CSMD1: variants seen among roughly 807,000 people sequenced by gnomAD.
The protein encoded by CSMD1 is CUB and sushi domain-containing protein 1.
CSMD1 carries 213 observed loss-of-function variants against 417.5 expected under a neutral mutation model. The ratio of observed to expected loss-of-function variants is 0.51; its 90% CI spans 0.46 to 0.57. CSMD1 has a LOEUF of 0.57. CSMD1 is among the 20% of genes least tolerant of loss of function. The pLI is 0.00. For synonymous variants in CSMD1, 2,862 were observed against 1,736.8 expected (o/e 1.65, Z -16.11); for missense variants, 6,923 against 4,529.7 (o/e 1.53, Z -15.17).
intron 37 of CSMD1, among the ~76,000 whole-genome samples, chr8:3,163,823 T>G (rs1051496103): frequency 6.6e-6 from 1 of 152,004 alleles, no homozygotes; most frequent in Non-Finnish European, 1.5e-5. Flanking sequence ...TTATACTAAC[T>G]CCAGTCCCCA....
chr8:3,625,473 C>T (rs1796446688), intron 7 of CSMD1, among the ~76,000 whole-genome samples: 1 of 152,090 alleles, frequency 6.6e-6, no homozygotes, highest in African/African-American at 2.4e-5. Flanking sequence ...ACTTTTAAAA[C>T]ACAAGGGGTT....
chr8:4,850,954 T>C (rs2116830348), intron 1 of CSMD1, among the ~76,000 whole-genome samples: 1 of 151,800 alleles, frequency 6.6e-6, no homozygotes, highest in Non-Finnish European at 1.5e-5. Flanking sequence ...AATTTCCTTT[T>C]TTTAATATAT....
At chr8:3,692,315 G>T (rs549956774) in intron 7 of CSMD1, among the ~76,000 whole-genome samples, 2 of 152,138 alleles carry the variant, frequency 1.3e-5, no homozygotes, top group African/African-American at 4.8e-5. Context: ...TTCAAGTTAT[G>T]ACCACATACC....
At chr8:4,954,155 C>T (rs922104975) in intron 1 of CSMD1, among the ~76,000 whole-genome samples, 1 of 152,022 alleles carries the variant, frequency 6.6e-6, no homozygotes, top group East Asian at 1.9e-4. Context: ...AAATAAGAAC[C>T]AACTATTTGC....
intron 10 of CSMD1, among the ~76,000 whole-genome samples, chr8:3,561,581 T>A (rs7838188): frequency 2.0e-5 from 3 of 151,904 alleles, no homozygotes; most frequent in East Asian, 1.9e-4. Flanking sequence ...TGGGTACACA[T>A]GGAGATAAGG....
intron 2 of CSMD1, among the ~76,000 whole-genome samples, chr8:4,446,412 G>A (rs1214206032): frequency 6.6e-6 from 1 of 152,120 alleles, no homozygotes; most frequent in Non-Finnish European, 1.5e-5. Context: ...GCCATGGGTG[G>A]TGGTGCACAC....
chr8:4,776,642 G>C (rs1349598592), intron 1 of CSMD1, among the ~76,000 whole-genome samples: 1 of 152,104 alleles, frequency 6.6e-6, no homozygotes, highest in Non-Finnish European at 1.5e-5. Flanking sequence ...TTTAAATAGG[G>C]GGGTTGTGAA....
intron 1 of CSMD1, among the ~76,000 whole-genome samples, chr8:4,943,376 G>A (rs941390011): frequency 2.0e-5 from 3 of 151,828 alleles, no homozygotes; most frequent in Non-Finnish European, 2.9e-5. Context: ...GACGCCTGTA[G>A]TCCCAGTTAC....
intron 12 of CSMD1, among the ~76,000 whole-genome samples, chr8:3,455,536 G>T (rs1226390549): frequency 1.3e-5 from 2 of 152,192 alleles, no homozygotes; most frequent in East Asian, 1.9e-4. Context: ...TAACAGTCAG[G>T]ACCCTCAGCT....
chr8:4,624,821 C>G (rs955577566), intron 2 of CSMD1, among the ~76,000 whole-genome samples: 1 of 152,150 alleles, frequency 6.6e-6, no homozygotes, highest in African/African-American at 2.4e-5. Flanking sequence ...ACACAGACCT[C>G]AGAGTCCACA....
In CSMD1 at chr8:4,048,909, C is replaced by T. The variant is rs535610035; in HGVS notation, c.416-16810G>A. Among the ~76,000 whole-genome samples, 439 of 152,210 alleles carry T rather than the reference C, an allele frequency of 2.9e-3. 2 individuals carry two copies. The highest frequency in any genetic ancestry group is 0.01 in the African/African-American group (422 of 41,532). ...GCTACATACAAAAATAGTCTATTTG[C>T]TAATTTTTCCAATTTCAAATGCTGC... On this transcript the variant is annotated intron_variant, in intron 3 of 69. Transcript: ENST00000635120.
At chr8:3,384,207 A>C (rs1810822870) in intron 18 of CSMD1, among the ~76,000 whole-genome samples, 1 of 152,138 alleles carries the variant, frequency 6.6e-6, no homozygotes, top group African/African-American at 2.4e-5. Context: ...GACATCTTTA[A>C]AAAATGGTTG....
chr8:4,679,479 A>G (rs182043027), intron 1 of CSMD1, among the ~76,000 whole-genome samples: 226 of 152,310 alleles, frequency 1.5e-3, no homozygotes, highest in African/African-American at 5.0e-3. Context: ...CTATATACCT[A>G]TCACTATTCT....
intron 3 of CSMD1, among the ~76,000 whole-genome samples, chr8:4,134,529 T>C (rs944865426): frequency 6.6e-6 from 1 of 152,222 alleles, no homozygotes; most frequent in Non-Finnish European, 1.5e-5. Flanking sequence ...AAGATAACTC[T>C]TGTTGTTTAA....
intron 54 of CSMD1, among the ~76,000 whole-genome samples, chr8:2,994,526 A>G (rs1343819555): frequency 6.6e-6 from 1 of 152,170 alleles, no homozygotes; most frequent in Non-Finnish European, 1.5e-5. Flanking sequence ...ACGTGATACC[A>G]CTGCCATGTT....
intron 3 of CSMD1, among the ~76,000 whole-genome samples, chr8:4,160,085 T>TAA (rs61002277): frequency 2.5e-5 from 3 of 120,314 alleles, no homozygotes; most frequent in South Asian, 6.4e-4. Context: ...GTATGGAATT[T>TAA]AAAAAAAAAA....
intron 7 of CSMD1, among the ~76,000 whole-genome samples, chr8:3,642,064 G>A (rs750428625): frequency 1.1e-4 from 16 of 151,974 alleles, no homozygotes; most frequent in Non-Finnish European, 2.2e-4. Context: ...CTACTTCGAT[G>A]GATACACTGA....
chr8:3,348,558 T>A (rs1402661768), intron 21 of CSMD1, among the ~76,000 whole-genome samples: 1 of 152,196 alleles, frequency 6.6e-6, no homozygotes, highest in Non-Finnish European at 1.5e-5. Context: ...GCTCCCATTC[T>A]ACCATTGTTT....
chr8:3,855,352 C>T (rs1157560379), intron 5 of CSMD1, among the ~76,000 whole-genome samples: 1 of 151,942 alleles, frequency 6.6e-6, no homozygotes, highest in Admixed American at 6.6e-5. Context: ...ACACTCACAT[C>T]CTAATTTTAA....
Sources: gnomAD v4.1 joint callset for allele counts (sites outside exome capture counted in the v4.1 genomes callset) on GRCh38, gnomAD v4.1.1 for gene constraint, MANE v1.5 for transcripts, NCBI Gene and HGNC (gene_info 2026-07-23, HGNC 2026-07-21) for gene names.